The following KYNU variants were observed in gnomAD, a reference collection of about 807,000 sequenced individuals.
The protein encoded by KYNU is kynureninase.
KYNU carries 54 observed loss-of-function variants against 59.2 expected under a neutral mutation model. That is an observed-to-expected ratio of 0.91 (90% CI 0.73 to 1.14). KYNU has a LOEUF of 1.14. Ranked by LOEUF, KYNU falls within the 50% of genes most tolerant of loss-of-function variation. KYNU has a pLI of 0.00. For missense variants in KYNU, 567 were observed against 554.4 expected, an observed-to-expected ratio of 1.02 and a Z score of -0.23; for synonymous variants, 177 against 192.0, an observed-to-expected ratio of 0.92 and a Z score of 0.65.
chr2:142,915,020 G>T (rs936194211), intron 2 of KYNU, among the ~76,000 whole-genome samples: 1 of 152,168 alleles, frequency 6.6e-6, no homozygotes, highest in Non-Finnish European at 1.5e-5. Flanking sequence ...TCCCAAGGAC[G>T]CCTTTTCATC....
intron 4 of KYNU, among the ~76,000 whole-genome samples, chr2:142,939,703 A>C (rs1294329511): frequency 6.6e-6 from 1 of 151,510 alleles, no homozygotes; most frequent in African/African-American, 2.4e-5. Context: ...GGAGTGACTG[A>C]AAAAAAAATT....
chr2:142,968,743 G>A (rs899774687), intron 8 of KYNU, among the ~76,000 whole-genome samples: 5 of 151,880 alleles, frequency 3.3e-5, no homozygotes, highest in Non-Finnish European at 4.4e-5. Flanking sequence ...TTGAAACATC[G>A]CCTATATAAA....
intron 7 of KYNU, among the ~76,000 whole-genome samples, chr2:142,959,856 A>T (rs980655858): frequency 6.6e-6 from 1 of 152,182 alleles, no homozygotes; most frequent in Non-Finnish European, 1.5e-5. Flanking sequence ...TCTTAATCTA[A>T]TAGAAGATAT....
intron 5 of KYNU, among the ~76,000 whole-genome samples, chr2:142,955,837 A>G (rs1240393980): frequency 1.3e-5 from 2 of 152,136 alleles, no homozygotes; most frequent in Non-Finnish European, 2.9e-5. Context: ...GTGTCATGCC[A>G]TCAAAATTAC....
Position 143,044,341 on chromosome 2 carries a change from G to A in KYNU, c.*2169G>A, listed in dbSNP as rs1687130783. On this transcript the variant is annotated 3_prime_UTR_variant, in exon 14 of 14. Coordinates refer to ENST00000264170, the MANE Select transcript of KYNU (RefSeq NM_003937.3). ...AGTAGAATGATTTATAATCCTTAGG[G>A]TATACCCAGTAATGGGATTGCTGGG... 1 of 151,746 alleles carries A rather than the reference G, an allele frequency of 6.6e-6. No individual in the cohort carries two copies. Among genetic ancestry groups the A allele is most frequent in the South Asian group, 2.1e-4 (1 of 4,810 alleles). The allele number at this position is 151,746 out of a possible 1,614,324, so 9.4% of individuals were successfully genotyped here. A position where few individuals can be genotyped will look rare whatever the true frequency, so the allele number is the denominator to read the frequency against.
At chr2:142,938,194 T>G (rs542899084) in intron 4 of KYNU, among the ~76,000 whole-genome samples, 2 of 152,230 alleles carry the variant, frequency 1.3e-5, no homozygotes, top group Non-Finnish European at 2.9e-5. Context: ...AGTGACTGCT[T>G]TTTGGTTTGG....
At position 143,047,852 on chromosome 2, in the gene KYNU, C is replaced by CTTTTTTTTTTTTTTTTTTTTTTTTT. The variant is rs61229238; in HGVS notation, c.*5682_*5706dup. The CTTTTTTTTTTTTTTTTTTTTTTTTT allele has an allele frequency of 5.0e-5, 5 of 100,336 alleles. 2 individuals carry two copies. 6.2% of individuals were successfully genotyped at this position (100,336 alleles called of 1,614,324 possible). ...GGCATAAGCTGCCACTCCTGGACCT[C>CTTTTTTTTTTTTTTTTTTTTTTTTT]TTTTTTTTTTTTTTTTTTTTTTTTT... is the stretch of plus-strand genomic sequence containing the variant. On this transcript the variant is annotated 3_prime_UTR_variant, in exon 14 of 14. Transcript: ENST00000264170.
chr2:142,980,743 A>G (rs546206165), intron 8 of KYNU, among the ~76,000 whole-genome samples: 5 of 152,238 alleles, frequency 3.3e-5, no homozygotes, highest in Admixed American at 2.6e-4. Context: ...CTGTGTCAGT[A>G]TGAGTGTGAT....
At chr2:143,029,162 A>T (rs1686666236) in intron 10 of KYNU, among the ~76,000 whole-genome samples, 2 of 152,210 alleles carry the variant, frequency 1.3e-5, no homozygotes, top group African/African-American at 4.8e-5. Context: ...CATTCTTTTA[A>T]TTATAAATAT....
At position 143,044,482 on chromosome 2, in the gene KYNU, C is replaced by G. The variant is rs1393486719; in HGVS notation, c.*2310C>G. The G allele has an allele frequency of 6.6e-6, 1 of 152,164 alleles. No individual in the cohort carries two copies. The highest frequency in any genetic ancestry group is 6.6e-5 in the Admixed American group (1 of 15,266). The allele number at this position is 152,164 out of a possible 1,614,324, so 9.4% of individuals were successfully genotyped here. On this transcript the variant is annotated 3_prime_UTR_variant, in exon 14 of 14. Transcript: ENST00000264170. ...AAAAGCATTCCTATTTCTCCACATCCTCTCAGCATCTGTTGTTTCTTGACT... is the reference window on the plus strand; with the variant it reads ...AAAAGCATTCCTATTTCTCCACATCGTCTCAGCATCTGTTGTTTCTTGACT...
chr2:143,005,799 G>A (rs199810108), intron 10 of KYNU, among the ~76,000 whole-genome samples: 29 of 151,948 alleles, frequency 1.9e-4, no homozygotes, highest in Non-Finnish European at 5.9e-5. Flanking sequence ...ATATTTCTGG[G>A]TAGAGAATGA....
At chr2:142,979,504 A>C (rs1245174827) in intron 8 of KYNU, among the ~76,000 whole-genome samples, 1 of 152,182 alleles carries the variant, frequency 6.6e-6, no homozygotes, top group Non-Finnish European at 1.5e-5. Flanking sequence ...ATCTTCACTC[A>C]AAGTTATCTG....
intron 10 of KYNU, among the ~76,000 whole-genome samples, chr2:143,011,005 A>T (rs1273991873): frequency 6.9e-6 from 1 of 145,430 alleles, no homozygotes; most frequent in Non-Finnish European, 1.5e-5. Flanking sequence ...GGCATGGGCA[A>T]GGACTTCATG....
intron 3 of KYNU, among the ~76,000 whole-genome samples, chr2:142,921,809 AATACATACATACATACATACATACATAC>A (rs11274854): frequency 3.4e-5 from 5 of 147,980 alleles, no homozygotes; most frequent in African/African-American, 1.2e-4. Flanking sequence ...CATGTCTTTA[AATACATACATACATACATACATACATAC>A]ATACATACAT....
At chr2:142,927,107 G>A (rs1683068252) in intron 3 of KYNU, among the ~76,000 whole-genome samples, 1 of 152,176 alleles carries the variant, frequency 6.6e-6, no homozygotes. Context: ...GCTGGAATGT[G>A]ACAGATGAAA....
intron 2 of KYNU, among the ~76,000 whole-genome samples, chr2:142,895,133 G>A (rs370873331): frequency 7.9e-5 from 12 of 152,044 alleles, no homozygotes; most frequent in East Asian, 3.8e-4. Context: ...TATTGATATT[G>A]TTAATATTTA....
At chr2:143,025,688 G>C (rs945874856) in intron 10 of KYNU, among the ~76,000 whole-genome samples, 2 of 151,850 alleles carry the variant, frequency 1.3e-5, no homozygotes, top group African/African-American at 4.8e-5. Flanking sequence ...TTACCATTCT[G>C]CTCTGACTTT....
chr2:142,966,829 A>G (rs1212975984), intron 8 of KYNU, among the ~76,000 whole-genome samples: 1 of 152,194 alleles, frequency 6.6e-6, no homozygotes, highest in African/African-American at 2.4e-5. Flanking sequence ...AATAAATGTT[A>G]GCAGTTGTCA....
intron 4 of KYNU, among the ~76,000 whole-genome samples, chr2:142,939,778 C>G (rs1053021759): frequency 4.0e-5 from 6 of 151,868 alleles, no homozygotes; most frequent in African/African-American, 1.5e-4. Flanking sequence ...AAATTTACAA[C>G]TATTATTGAA....
Sources: allele counts gnomAD v4.1 joint callset (sites outside exome capture counted in the v4.1 genomes callset), GRCh38; gene constraint gnomAD v4.1.1; transcripts MANE v1.5; gene names NCBI Gene and HGNC (gene_info 2026-07-23, HGNC 2026-07-21).